PYGO1: variants seen among roughly 807,000 people sequenced by gnomAD.
The protein encoded by PYGO1 is pygopus homolog 1.
PYGO1 carries 6 observed loss-of-function variants against 29.5 expected under a neutral mutation model. That is an observed-to-expected ratio of 0.20 (90% confidence interval 0.11 to 0.40). The LOEUF is 0.40. PYGO1 is among the 10% of genes least tolerant of loss of function. The probability of loss-of-function intolerance (pLI) is 1.00; values close to 1 mark genes in which losing one functional copy is unlikely to be tolerated. For missense variants in PYGO1, 515 were observed against 514.9 expected (o/e 1.00, Z 0.00); for synonymous variants, 186 against 180.5 (o/e 1.03, Z -0.24).
At chr15:55,556,945 G>C (rs1284794375) in intron 1 of PYGO1, among the ~76,000 whole-genome samples, 1 of 151,708 alleles carries the variant, frequency 6.6e-6, no homozygotes, top group Non-Finnish European at 1.5e-5. Context: ...GACTGAACCA[G>C]GAAGAAACTG....
intron 1 of PYGO1, among the ~76,000 whole-genome samples, chr15:55,562,827 T>C (rs376208807): frequency 3.8e-4 from 58 of 152,070 alleles, no homozygotes; most frequent in African/African-American, 1.3e-3. Flanking sequence ...TGAGAACAAG[T>C]CCTTGGCAGA....
At chr15:55,580,609 T>C (rs1267223363) in intron 1 of PYGO1, among the ~76,000 whole-genome samples, 1 of 152,206 alleles carries the variant, frequency 6.6e-6, no homozygotes, top group Non-Finnish European at 1.5e-5. Flanking sequence ...GATGCAGAGA[T>C]GTTAAGTAAC....
In PYGO1 at chr15:55,547,073, A is replaced by G; in HGVS notation, c.210T>C (p.Asn70=). The G allele has an allele frequency of 8.7e-6, 14 of 1,612,588 alleles. No individual in the cohort carries two copies. The highest frequency in any genetic ancestry group is 1.2e-5 in the Non-Finnish European group (14 of 1,179,018). Residue 70 remains asparagine (N), a synonymous_variant, in exon 3 of 3, where the codon AAT becomes AAC. Coordinates refer to ENST00000563719, the MANE Select transcript of PYGO1 (RefSeq NM_001367806.1). ...TAGTATTATAGTTGTCATCAAATGG[A>G]TTAGCAGCCACTAGATGGTCAGAGT... ...NPNSDHLVAA[N]PFDDNYNTIS...
intron 1 of PYGO1, among the ~76,000 whole-genome samples, chr15:55,570,455 T>G (rs1235813771): frequency 6.6e-6 from 1 of 152,118 alleles, no homozygotes; most frequent in African/African-American, 2.4e-5. Flanking sequence ...TGGGAGCTAA[T>G]ATTCCTTGCC....
chr15:55,558,146 CAA>C (rs2058915565), intron 1 of PYGO1, among the ~76,000 whole-genome samples: 1 of 152,198 alleles, frequency 6.6e-6, no homozygotes. Context: ...GCAACTTCAG[CAA>C]AGTCTCAGGA....
At chr15:55,587,669 C>G (rs1424045144) in intron 1 of PYGO1, among the ~76,000 whole-genome samples, 166 bp downstream of exon 1, 2 of 151,836 alleles carry the variant, frequency 1.3e-5, no homozygotes, top group Non-Finnish European at 2.9e-5. Flanking sequence ...CAGCGGGCGC[C>G]CGGGCCGCGC....
intron 1 of PYGO1, among the ~76,000 whole-genome samples, chr15:55,551,705 G>A (rs1312939969): frequency 6.6e-6 from 1 of 152,078 alleles, no homozygotes; most frequent in East Asian, 1.9e-4. Flanking sequence ...TACTCAGGAG[G>A]CTGAGGTGGG....
At position 55,568,320 on chromosome 15, in the gene PYGO1, CTGTGTGTGTGTGTG is replaced by C. The variant is rs58177433; in HGVS notation, c.50-19339_50-19326del. 1.9e-3 allele frequency among the ~76,000 whole-genome samples: 234 copies of C among 125,916 alleles called. 1 individual carries two copies. The highest frequency in any genetic ancestry group is 4.7e-3 in the African/African-American group (148 of 31,390). 82.6% of individuals were successfully genotyped at this position (125,916 alleles called of 152,430 possible). A position where few individuals can be genotyped will look rare whatever the true frequency, so the allele number is the denominator to read the frequency against. ...ATGGTTAAGACGTATTTCCTAGGTA[CTGTGTGTGTGTGTG>C]TGTGTGTGTGTGTGTGTGTGTGTGT... On this transcript the variant is annotated intron_variant, in intron 1 of 2. Coordinates refer to ENST00000563719, the MANE Select transcript of PYGO1 (RefSeq NM_001367806.1).
chr15:55,579,824 G>A (rs1367943874), intron 1 of PYGO1, among the ~76,000 whole-genome samples: 1 of 152,142 alleles, frequency 6.6e-6, no homozygotes, highest in Non-Finnish European at 1.5e-5. Context: ...TTACTATACA[G>A]CAAAATTCTG....
intron 1 of PYGO1, among the ~76,000 whole-genome samples, chr15:55,564,962 T>A (rs565846887): frequency 6.6e-6 from 1 of 152,312 alleles, no homozygotes; most frequent in South Asian, 2.1e-4. Context: ...GGCTGTCAGC[T>A]CTTATCTCCT....
At chr15:55,588,636 C>T (rs2059061116), upstream of PYGO1, among the ~76,000 whole-genome samples, 1 of 150,812 alleles carries the variant, frequency 6.6e-6, no homozygotes, top group Admixed American at 6.6e-5. Context: ...GCCGCCCCGC[C>T]CCGCGCCCGG....
intron 1 of PYGO1, among the ~76,000 whole-genome samples, chr15:55,562,276 G>A (rs2058936022): frequency 6.6e-6 from 1 of 152,252 alleles, no homozygotes; most frequent in African/African-American, 2.4e-5. Flanking sequence ...GGAAGAAAGT[G>A]TGGTGATTCC....
chr15:55,573,719 A>G (rs1280033847), intron 1 of PYGO1, among the ~76,000 whole-genome samples: 1 of 152,222 alleles, frequency 6.6e-6, no homozygotes, highest in Non-Finnish European at 1.5e-5. Flanking sequence ...ATAACTTTTG[A>G]TTACCCTAAA....
In PYGO1 at chr15:55,543,767, C is replaced by T. The variant is rs752297402; in HGVS notation, c.*2256G>A. The T allele has an allele frequency of 1.1e-4, 17 of 152,190 alleles. No homozygotes were observed. Among genetic ancestry groups the T allele is most frequent in the Non-Finnish European group, 2.2e-4 (15 of 68,032 alleles). The allele number at this position is 152,190 out of a possible 1,614,324, so 9.4% of individuals were successfully genotyped here. ...AAGTTCTACTCAAAATATCTATCAT[C>T]TAGCTCTATTCAGGGTAATAATAAA... On this transcript the variant is annotated 3_prime_UTR_variant, in exon 3 of 3. Coordinates refer to ENST00000563719, the MANE Select transcript of PYGO1 (RefSeq NM_001367806.1).
chr15:55,554,333 G>A (rs2058893452), intron 1 of PYGO1, among the ~76,000 whole-genome samples: 1 of 151,988 alleles, frequency 6.6e-6, no homozygotes, highest in South Asian at 2.1e-4. Context: ...TCAGGGTGTG[G>A]TGGTGGGCAC....
chr15:55,564,756 A>G (rs2058947841), intron 1 of PYGO1, among the ~76,000 whole-genome samples: 1 of 152,148 alleles, frequency 6.6e-6, no homozygotes, highest in Non-Finnish European at 1.5e-5. Flanking sequence ...AAATTTTAAA[A>G]CCATTGATAA....
intron 1 of PYGO1, among the ~76,000 whole-genome samples, chr15:55,558,943 A>G (rs145734173): frequency 1.2e-4 from 18 of 150,526 alleles, no homozygotes; most frequent in East Asian, 1.9e-4. Context: ...TCATGTCTAA[A>G]ACACCAAAAG....
intron 1 of PYGO1, among the ~76,000 whole-genome samples, chr15:55,581,017 A>G (rs1333563078): frequency 6.6e-6 from 1 of 152,238 alleles, no homozygotes; most frequent in Non-Finnish European, 1.5e-5. Context: ...AAAAGTAATA[A>G]TTCCTCCCTG....
intron 1 of PYGO1, among the ~76,000 whole-genome samples, chr15:55,571,939 A>G (rs1347031436): frequency 6.6e-6 from 1 of 152,326 alleles, no homozygotes; most frequent in African/African-American, 2.4e-5. Flanking sequence ...TAGCCACAAC[A>G]GGGAATACTA....
Sources: allele counts gnomAD v4.1 joint callset (sites outside exome capture counted in the v4.1 genomes callset), GRCh38; gene constraint gnomAD v4.1.1; transcripts MANE v1.5; gene names NCBI Gene and HGNC (gene_info 2026-07-23, HGNC 2026-07-21).